Variants in ADCY2 observed in about 807,000 individuals in gnomAD.
ADCY2 encodes the protein adenylate cyclase 2, also known as adenylate cyclase type 2.
In ADCY2, 31 loss-of-function variants were observed where a neutral mutation model predicts 125.2. That is an observed-to-expected ratio of 0.25 (90% CI 0.19 to 0.33). The LOEUF (loss-of-function observed/expected upper bound fraction) is 0.33, where lower values mean the gene tolerates loss of function less well. Ranked by LOEUF, ADCY2 falls within the 10% of genes least tolerant of loss-of-function variation. The pLI, the probability that ADCY2 is intolerant of heterozygous loss-of-function variation, is 1.00. For missense variants in ADCY2, 904 were observed against 1,418.2 expected (o/e 0.64, Z 5.82); for synonymous variants, 512 against 548.4 (o/e 0.93, Z 0.93).
intron 4 of ADCY2, among the ~76,000 whole-genome samples, chr5:7,647,407 A>G (rs1738937623): frequency 6.6e-6 from 1 of 152,306 alleles, no homozygotes; most frequent in Non-Finnish European, 1.5e-5. Flanking sequence ...AATTGCAGGT[A>G]TCAGAGACTT....
intron 20 of ADCY2, among the ~76,000 whole-genome samples, chr5:7,790,770 G>A (rs1236906822): frequency 6.6e-6 from 1 of 152,210 alleles, no homozygotes; most frequent in Non-Finnish European, 1.5e-5. Context: ...AATACTGAAA[G>A]GGGAAAGAGT....
intron 22 of ADCY2, among the ~76,000 whole-genome samples, chr5:7,814,454 C>G (rs910182164): frequency 1.3e-5 from 2 of 151,870 alleles, no homozygotes; most frequent in Non-Finnish European, 2.9e-5. Flanking sequence ...GTGTTAAACA[C>G]GCTGTGATGT....
chr5:7,700,654 C>A (rs1194164665), intron 7 of ADCY2, among the ~76,000 whole-genome samples: 2 of 151,088 alleles, frequency 1.3e-5, no homozygotes, highest in Admixed American at 6.6e-5. Flanking sequence ...AAAATATTAA[C>A]AGGTGACTTC....
chr5:7,704,878 C>CAAA (rs71591741), intron 7 of ADCY2, among the ~76,000 whole-genome samples: 4 of 91,204 alleles, frequency 4.4e-5, no homozygotes, highest in Non-Finnish European at 7.0e-5. Context: ...ACTCCATCTC[C>CAAA]AAAAAAAAAA....
intron 16 of ADCY2, among the ~76,000 whole-genome samples, chr5:7,765,295 A>G (rs1743343828): frequency 6.6e-6 from 1 of 152,170 alleles, no homozygotes; most frequent in Non-Finnish European, 1.5e-5. Context: ...ATTTAAATCA[A>G]TTGAATTTTT....
chr5:7,801,552 C>T (rs377361280), intron 20 of ADCY2: 4 of 152,108 alleles, frequency 2.6e-5, no homozygotes, highest in South Asian at 2.1e-4. Context: ...TCATTGAATT[C>T]GAAGGTGTCA....
chr5:7,524,285 A>AT (rs926295206), intron 3 of ADCY2, among the ~76,000 whole-genome samples: 16 of 152,174 alleles, frequency 1.1e-4, no homozygotes, highest in African/African-American at 3.6e-4. Flanking sequence ...ACAGAGAATT[A>AT]TTTTTTTTGC....
chr5:7,694,416 G>C lies in ADCY2; in HGVS notation c.870-1336G>C, dbSNP rs1030039543. ...TTTCTTCATCCCAAACTAAAGCTCC[G>C]AACCCATTAAACAACAACTCCACAA... On this transcript the variant is annotated intron_variant, in intron 5 of 24. Coordinates refer to ENST00000338316, the MANE Select transcript of ADCY2 (RefSeq NM_020546.3). 1.3e-5 allele frequency among the ~76,000 whole-genome samples: 2 copies of C among 151,862 alleles called. 1 individual carries two copies. Among genetic ancestry groups the C allele is most frequent in the Non-Finnish European group, 2.9e-5 (2 of 67,986 alleles).
chr5:7,695,061 A>G (rs1399015745), intron 5 of ADCY2, among the ~76,000 whole-genome samples: 2 of 152,228 alleles, frequency 1.3e-5, no homozygotes, highest in Non-Finnish European at 2.9e-5. Flanking sequence ...AGGCTTCTTC[A>G]TAAGACCTTG....
intron 3 of ADCY2, among the ~76,000 whole-genome samples, chr5:7,613,449 C>T (rs1216968243): frequency 6.6e-6 from 1 of 152,208 alleles, no homozygotes; most frequent in Non-Finnish European, 1.5e-5. Flanking sequence ...GCTCAGAATT[C>T]CACCAGGCTG....
At chr5:7,658,274 A>G (rs1739407830) in intron 4 of ADCY2, 1 of 152,038 alleles carries the variant, frequency 6.6e-6, no homozygotes, top group Non-Finnish European at 1.5e-5. Context: ...AGTTTTTCTC[A>G]TGAACCGGTT....
At chr5:7,565,280 G>T (rs77960843) in intron 3 of ADCY2, among the ~76,000 whole-genome samples, 1 of 152,296 alleles carries the variant, frequency 6.6e-6, no homozygotes, top group African/African-American at 2.4e-5. Flanking sequence ...TAAATGAAAC[G>T]CTGGGCAACT....
intron 3 of ADCY2, among the ~76,000 whole-genome samples, chr5:7,617,897 G>C (rs920377643): frequency 6.6e-6 from 1 of 152,202 alleles, no homozygotes; most frequent in African/African-American, 2.4e-5. Context: ...AACAACCAAA[G>C]TTTCGTTTGT....
intron 2 of ADCY2, among the ~76,000 whole-genome samples, chr5:7,436,895 T>C (rs1266746344): frequency 6.6e-6 from 1 of 152,196 alleles, no homozygotes; most frequent in African/African-American, 2.4e-5. Flanking sequence ...TCAGGCCAGC[T>C]GAACTTGTTG....
intron 20 of ADCY2, chr5:7,799,365 C>T (rs927497504): frequency 2.0e-5 from 3 of 152,284 alleles, no homozygotes; most frequent in Admixed American, 6.5e-5. Flanking sequence ...GGTTCTCAGC[C>T]CTCCAAGTTT....
chr5:7,491,337 C>A (rs189881428), intron 2 of ADCY2, among the ~76,000 whole-genome samples: 1 of 152,070 alleles, frequency 6.6e-6, no homozygotes, highest in African/African-American at 2.4e-5. Context: ...CTGCAACCTC[C>A]GCCTCCTGAC....
At chr5:7,721,802 G>A (rs1741770676) in intron 12 of ADCY2, among the ~76,000 whole-genome samples, 1 of 152,160 alleles carries the variant, frequency 6.6e-6, no homozygotes, top group Admixed American at 6.5e-5. Context: ...CTGTAGTCTT[G>A]TAGTATAGTT....
At chr5:7,774,131 C>T (rs1464374392) in intron 18 of ADCY2, among the ~76,000 whole-genome samples, 4 of 152,150 alleles carry the variant, frequency 2.6e-5, no homozygotes, top group South Asian at 2.1e-4. Flanking sequence ...ACTGGAGACC[C>T]GGTGTTAGGA....
At chr5:7,646,085 A>T (rs1424873201) in intron 4 of ADCY2, among the ~76,000 whole-genome samples, 3 of 152,202 alleles carry the variant, frequency 2.0e-5, no homozygotes, top group Non-Finnish European at 4.4e-5. Flanking sequence ...AGTGAAACAA[A>T]AATGAATTCA....
Sources: gnomAD v4.1 joint callset for allele counts (sites outside exome capture counted in the v4.1 genomes callset) on GRCh38, gnomAD v4.1.1 for gene constraint, MANE v1.5 for transcripts, NCBI Gene and HGNC (gene_info 2026-07-23, HGNC 2026-07-21) for gene names.